Variants in RAG2 observed in about 807,000 individuals in gnomAD.
The protein encoded by RAG2 is V(D)J recombination-activating protein 2.
A neutral mutation model predicts 31.8 loss-of-function variants in RAG2; 16 were observed. That is an observed-to-expected ratio of 0.50 (90% CI 0.34 to 0.76). RAG2 has a LOEUF of 0.76. Among genes scored for constraint, RAG2 ranks in the 30% least tolerant of loss-of-function variants. RAG2 has a pLI of 0.01. For synonymous variants in RAG2, 199 were observed against 215.9 expected (o/e 0.92, Z 0.68); for missense variants, 622 against 628.5 (o/e 0.99, Z 0.11).
intron 1 of RAG2, chr11:36,597,682 C>T (rs1460955620): frequency 6.6e-6 from 1 of 152,122 alleles, no homozygotes; most frequent in Non-Finnish European, 1.5e-5. Flanking sequence ...CTTGCTGATC[C>T]GTGCTGGCCA....
rs772223078 is a variant in RAG2, at chr11:36,594,016, C to T, written c.153G>A (p.Lys51=). 1 of 1,614,132 alleles carries T rather than the reference C, an allele frequency of 6.2e-7. No homozygotes were observed. Among genetic ancestry groups the T allele is most frequent in the Non-Finnish European group, 8.5e-7 (1 of 1,180,018 alleles). ...TAGGCTTCAGTTTGACATGGTTATG[C>T]TTTACATCCAGATGGAAAACTCCAG... ...CPTGVFHLDV[K]HNHVKLKPTI... is the part of the protein sequence containing the mutation. The change falls in exon 2 of 2, where the codon AAG becomes AAA. Residue 51 remains lysine, a synonymous_variant. Coordinates refer to ENST00000311485, the MANE Select transcript of RAG2 (RefSeq NM_000536.4).
rs1261789340 is a variant in RAG2 at position 36,593,826 on chromosome 11, T to C, written c.343A>G (p.Lys115Glu). ...DKIYVMSIVCKNNKKVTFRCT... is the reference protein window; with the variant it reads ...DKIYVMSIVCENNKKVTFRCT... ...CGAAAAGTAACCTTTTTGTTGTTCTTGCAAACAATAGACATGACATAAATC... is the reference window on the plus strand; with the variant it reads ...CGAAAAGTAACCTTTTTGTTGTTCTCGCAAACAATAGACATGACATAAATC... Residue 115 changes from lysine (K) to glutamate (E), a missense_variant, in exon 2 of 2, where the codon AAG becomes GAG. Lys to Glu is a moderately conservative substitution (Grantham distance 56, BLOSUM62 1). Transcript: ENST00000311485. The C allele has an allele frequency of 1.2e-6, 2 of 1,614,230 alleles. No individual in the cohort carries two copies. The highest frequency in any genetic ancestry group is 2.2e-5 in the South Asian group (2 of 91,080).
intron 1 of RAG2, chr11:36,594,814 C>T (rs1590718672): frequency 6.5e-6 from 1 of 152,906 alleles, no homozygotes; most frequent in South Asian, 2.1e-4. Context: ...TACCTGGAGA[C>T]CGCAGTCTGA....
At position 36,592,883 on chromosome 11, in the gene RAG2, G is replaced by C; in HGVS notation, c.1286C>G (p.Thr429Ser). 1 of 1,614,152 alleles carries C rather than the reference G, an allele frequency of 6.2e-7. No individual in the cohort carries two copies. Residue 429 changes from threonine (T) to serine (S), a missense_variant, in exon 2 of 2, where the codon ACT (threonine) becomes AGT (serine). Thr to Ser is a moderately conservative substitution (Grantham distance 58, BLOSUM62 1). Coordinates refer to ENST00000311485, the MANE Select transcript of RAG2 (RefSeq NM_000536.4). ...CTCAGTTGAATAGAATGGTACCCAA[G>C]TGTTGATATCCACATCACAAGTAGG... ...CCPTCDVDIN[T>S]WVPFYSTELN...
Position 36,592,580 on chromosome 11 carries a change from CA to C in RAG2, c.*4del, listed in dbSNP as rs764833518. ...TACACCTGAATCTGAAAGGCTTTTG[CA>C]AAACTAATCAAACAACCTTCTAAGA... On this transcript the variant is annotated 3_prime_UTR_variant, in exon 2 of 2. Coordinates refer to ENST00000311485, the MANE Select transcript of RAG2 (RefSeq NM_000536.4). 4.2e-5 allele frequency: 67 copies of C among 1,613,568 alleles called. No individual in the cohort carries two copies. The highest frequency in any genetic ancestry group is 5.5e-5 in the Non-Finnish European group (65 of 1,179,760).
In RAG2 at chr11:36,593,050, C is replaced by A. The variant is rs971362320; in HGVS notation, c.1119G>T (p.Gly373=). Residue 373 remains glycine, a synonymous_variant, in exon 2 of 2, where the codon GGG becomes GGT. Transcript: ENST00000311485. ...TNSQTSTEDP[G]DSTPFEDSEE... is the part of the protein sequence containing the mutation. ...CAGAGTCTTCAAAGGGAGTGGAATC[C>A]CCTGGATCTTCTGTTGATGTTTGAC... 20 of 1,613,940 alleles carry A rather than the reference C, an allele frequency of 1.2e-5. No homozygotes were observed. Among genetic ancestry groups the A allele is most frequent in the Non-Finnish European group, 1.6e-5 (19 of 1,179,982 alleles).
In RAG2 at chr11:36,593,847, A is replaced by G; in HGVS notation, c.322T>C (p.Tyr108His). ...TTCTTGCAAACAATAGACATGACAT[A>G]AATCTTATCTGAAACCTCATTGTTT... Reference protein sequence around the residue: ...TPNNEVSDKIYVMSIVCKNNK... With the variant: ...TPNNEVSDKIHVMSIVCKNNK... The change falls in exon 2 of 2, where the codon TAT (tyrosine) becomes CAT (histidine). Residue 108 changes from tyrosine to histidine, a missense_variant. Tyr to His is a moderately conservative substitution (Grantham distance 83). Transcript: ENST00000311485. 1 of 1,614,242 alleles carries G rather than the reference A, an allele frequency of 6.2e-7. No individual in the cohort carries two copies. The highest frequency in any genetic ancestry group is 8.5e-7 in the Non-Finnish European group (1 of 1,180,028).
Position 36,592,933 on chromosome 11 carries a change from C to T in RAG2, c.1236G>A (p.Glu412=), listed in dbSNP as rs1056561691. Residue 412 remains glutamate (E), a synonymous_variant, in exon 2 of 2, where the codon GAG becomes GAA. Coordinates refer to ENST00000311485, the MANE Select transcript of RAG2 (RefSeq NM_000536.4). ...YNEDDEEDES[E]TGYWITCCPT... ...GGCAGCATGTAATCCAGTAGCCTGT[C>T]TCAGACTCATCTTCTTCATCATCTT... 4 of 1,614,160 alleles carry T rather than the reference C, an allele frequency of 2.5e-6. No individual in the cohort carries two copies. The highest frequency in any genetic ancestry group is 3.4e-6 in the Non-Finnish European group (4 of 1,180,032).
Position 36,592,293 on chromosome 11 carries a change from C to A in RAG2, c.*292G>T, listed in dbSNP as rs1055837631. On this transcript the variant is annotated 3_prime_UTR_variant, in exon 2 of 2. Transcript: ENST00000311485. ...TATAAACATACCTCGATGATTATTACTGCTTCTGGGTGTTTAAGGTTTGTT... is the reference window on the plus strand; with the variant it reads ...TATAAACATACCTCGATGATTATTAATGCTTCTGGGTGTTTAAGGTTTGTT... The A allele has an allele frequency of 2.6e-6, 1 of 387,912 alleles. No homozygotes were observed. Among genetic ancestry groups the A allele is most frequent in the East Asian group, 5.7e-5 (1 of 17,688 alleles). The allele number at this position is 387,912 out of a possible 1,614,324, so 24.0% of individuals were successfully genotyped here.
Position 36,592,777 on chromosome 11 carries a change from G to A in RAG2, c.1392C>T (p.Arg464=), listed in dbSNP as rs780684558. The change falls in exon 2 of 2, where the codon CGC becomes CGT. Residue 464 remains arginine (R), a synonymous_variant. Transcript: ENST00000311485. ...TTCCTGCTGACAGATGGATGAGTGT[G>A]CGTTCTGCCAGATCCATGCACTGAG... ...VHAQCMDLAE[R]TLIHLSAGSN... is the part of the protein sequence containing the mutation. The A allele has an allele frequency of 6.2e-7, 1 of 1,614,132 alleles. No homozygotes were observed. The highest frequency in any genetic ancestry group is 1.1e-5 in the South Asian group (1 of 91,082).
intron 1 of RAG2, 103 bp from the exon 2 acceptor site, chr11:36,594,298 G>T (rs975892505): frequency 1.9e-5 from 15 of 771,214 alleles, no homozygotes; most frequent in African/African-American, 1.7e-4. Context: ...CCTCCCACAC[G>T]CTTGCAGTGG....
chr11:36,596,214 TTTTTTTTG>T (rs955042399), intron 1 of RAG2, among the ~76,000 whole-genome samples: 2 of 137,214 alleles, frequency 1.5e-5, no homozygotes, highest in South Asian at 2.5e-4. Context: ...TGGTAGTGTT[TTTTTTTTG>T]TTTTTTTTTT....
Position 36,592,685 on chromosome 11 carries a change from A to G in RAG2, c.1484T>C (p.Leu495Pro). Reference sequence around the variant, plus strand: ...TTTCATTGGAGGCTTTTTTAAGGGTAGGACTCTTTGGGGAGTGTGTAGAGC... The same window carrying G: ...TTTCATTGGAGGCTTTTTTAAGGGTGGGACTCTTTGGGGAGTGTGTAGAGC... ...ARALHTPQRV[L>P]PLKKPPMKSL... The change falls in exon 2 of 2, where the codon CTA becomes CCA. Residue 495 changes from leucine to proline, a missense_variant. Physicochemically the swap from Leu to Pro is moderately conservative, Grantham distance 98. Coordinates refer to ENST00000311485, the MANE Select transcript of RAG2 (RefSeq NM_000536.4). 6.2e-7 allele frequency: 1 copy of G among 1,614,106 alleles called. No homozygotes were observed. The highest frequency in any genetic ancestry group is 8.5e-7 in the Non-Finnish European group (1 of 1,179,996).
At position 36,592,963 on chromosome 11, in the gene RAG2, A is replaced by G; in HGVS notation, c.1206T>C (p.Tyr402=). 1 of 1,614,092 alleles carries G rather than the reference A, an allele frequency of 6.2e-7. No homozygotes were observed. Among genetic ancestry groups the G allele is most frequent in the Non-Finnish European group, 8.5e-7 (1 of 1,180,004 alleles). The change falls in exon 2 of 2, where the codon TAT becomes TAC. Residue 402 remains tyrosine, a synonymous_variant. Transcript: ENST00000311485. ...SFDGDDEFDT[Y]NEDDEEDESE... The stretch of plus-strand genomic sequence containing the variant: ...ACTCATCTTCTTCATCATCTTCATT[A>G]TAGGTGTCAAATTCATCATCACCAT...
downstream of RAG2, among the ~76,000 whole-genome samples, chr11:36,591,771 C>G (rs192886379): frequency 3.7e-3 from 558 of 152,244 alleles, no homozygotes; most frequent in Non-Finnish European, 6.4e-3. Flanking sequence ...TATTCTTACT[C>G]ACTTCCTTTT....
rs1320781627 is a variant in RAG2 at position 36,596,046 on chromosome 11, AG to A, written c.-27-1852del. Among the ~76,000 whole-genome samples, 3 of 152,198 alleles carry A rather than the reference AG, an allele frequency of 2.0e-5. No homozygotes were observed. The East Asian group carries it at 5.8e-4, about 29-fold the overall frequency. The stretch of plus-strand genomic sequence containing the variant: ...GGTATATATTCACTGGGCTGTTTTG[AG>A]AAATAAATGGGATAGCACGTGTAAA... On this transcript the variant is annotated intron_variant, in intron 1 of 1. Transcript: ENST00000311485.
chr11:36,596,348 A>G (rs2133329959), intron 1 of RAG2, among the ~76,000 whole-genome samples: 1 of 151,098 alleles, frequency 6.6e-6, no homozygotes, highest in Admixed American at 6.6e-5. Context: ...TTCAACAATT[A>G]TCTGGTGGGT....
Position 36,593,292 on chromosome 11 carries a change from C to A in RAG2, c.877G>T (p.Glu293Ter). ...TCACGAATTTCTATCTTGTTGTCCT[C>A]TAAAGAGATGATGTTGCAGATCATT... ...KRMICNIISL[E>*]DNKIEIREME... The change falls in exon 2 of 2, where the codon GAG (glutamate) becomes TAG (stop). Residue 293 changes from glutamate to a stop codon, truncating the protein, a stop_gained. Coordinates refer to ENST00000311485, the MANE Select transcript of RAG2 (RefSeq NM_000536.4). LOFTEE classifies it high-confidence loss of function. 6.2e-7 allele frequency: 1 copy of A among 1,614,176 alleles called. No homozygotes were observed. Among genetic ancestry groups the A allele is most frequent in the Non-Finnish European group, 8.5e-7 (1 of 1,180,024 alleles).
downstream of RAG2, among the ~76,000 whole-genome samples, chr11:36,591,785 A>G (rs1014167778): frequency 6.6e-6 from 1 of 152,122 alleles, no homozygotes; most frequent in African/African-American, 2.4e-5. Flanking sequence ...TCCTTTTTCC[A>G]GAGTACTAAG....
Sources: gnomAD v4.1 joint callset for allele counts (sites outside exome capture counted in the v4.1 genomes callset) on GRCh38, gnomAD v4.1.1 for gene constraint, MANE v1.5 for transcripts, NCBI Gene and HGNC (gene_info 2026-07-23, HGNC 2026-07-21) for gene names.